Variants in PDZRN4 observed in about 807,000 individuals in gnomAD.
PDZRN4 encodes the protein PDZ domain-containing RING finger protein 4.
PDZRN4 carries 70 observed loss-of-function variants against 99.0 expected under a neutral mutation model. That is an observed-to-expected ratio of 0.71 (90% confidence interval 0.58 to 0.86). The LOEUF (loss-of-function observed/expected upper bound fraction) is 0.86. Ranked by LOEUF, PDZRN4 falls within the 40% of genes least tolerant of loss-of-function variation. The pLI is 0.00. For synonymous variants in PDZRN4, 551 were observed against 501.6 expected, an observed-to-expected ratio of 1.10 and a Z score of -1.32; for missense variants, 1,474 against 1,331.2, an observed-to-expected ratio of 1.11 and a Z score of -1.67.
chr12:41,323,517 A>G (rs1264844034), intron 3 of PDZRN4, among the ~76,000 whole-genome samples: 1 of 152,102 alleles, frequency 6.6e-6, no homozygotes, highest in African/African-American at 2.4e-5. Context: ...TTTTTGCCAG[A>G]TGAAGAGATT....
intron 3 of PDZRN4, among the ~76,000 whole-genome samples, chr12:41,254,955 A>C (rs1951194209): frequency 6.6e-6 from 1 of 152,160 alleles, no homozygotes; most frequent in East Asian, 1.9e-4. Flanking sequence ...TTAGCCAGGC[A>C]TGCTGGTGCA....
At chr12:41,347,558 T>A (rs1361691071) in intron 3 of PDZRN4, among the ~76,000 whole-genome samples, 2 of 152,176 alleles carry the variant, frequency 1.3e-5, no homozygotes, top group Non-Finnish European at 2.9e-5. Flanking sequence ...CCTTATCAGA[T>A]GTGTGCTTTG....
chr12:41,448,605 G>C (rs1952749262), intron 3 of PDZRN4, among the ~76,000 whole-genome samples: 1 of 152,124 alleles, frequency 6.6e-6, no homozygotes, highest in Admixed American at 6.6e-5. Flanking sequence ...AATAGGAGTG[G>C]GGACATAGTG....
chr12:41,356,054 T>G (rs1287521356), intron 3 of PDZRN4, among the ~76,000 whole-genome samples: 1 of 152,064 alleles, frequency 6.6e-6, no homozygotes, highest in Non-Finnish European at 1.5e-5. Context: ...CTAAAAAATT[T>G]ACTCTCTTTG....
intron 3 of PDZRN4, among the ~76,000 whole-genome samples, chr12:41,377,395 C>T (rs192549042): frequency 2.0e-4 from 31 of 152,178 alleles, no homozygotes; most frequent in Admixed American, 4.6e-4. Context: ...TTGTCTTCAA[C>T]GTCTTTCTTA....
intron 5 of PDZRN4, among the ~76,000 whole-genome samples, chr12:41,540,502 T>C (rs958165799): frequency 5.3e-5 from 8 of 152,182 alleles, no homozygotes; most frequent in Admixed American, 2.6e-4. Flanking sequence ...ACCTTTGTCA[T>C]TTCTATGTAA....
intron 5 of PDZRN4, among the ~76,000 whole-genome samples, chr12:41,529,006 C>T (rs985848219): frequency 1.3e-5 from 2 of 152,116 alleles, no homozygotes; most frequent in African/African-American, 4.8e-5. Context: ...TTATAGTACT[C>T]AAATTGGCTT....
chr12:41,405,914 A>G (rs1214010560), intron 3 of PDZRN4, among the ~76,000 whole-genome samples: 1 of 152,020 alleles, frequency 6.6e-6, no homozygotes, highest in African/African-American at 2.4e-5. Context: ...ATGTGAACAT[A>G]AATGTTGGAA....
chr12:41,218,307 C>A (rs1460770963), intron 3 of PDZRN4, among the ~76,000 whole-genome samples: 1 of 152,000 alleles, frequency 6.6e-6, no homozygotes, highest in African/African-American at 2.4e-5. Flanking sequence ...ATAAAGAAGA[C>A]AGGGCACATG....
Position 41,573,261 on chromosome 12 carries a change from C to G in PDZRN4, c.2482C>G (p.Pro828Ala). Residue 828 changes from proline (P) to alanine (A), a missense_variant, in exon 10 of 10, where the codon CCT (proline) becomes GCT (alanine). By Grantham distance (27) the Pro-to-Ala change is conservative. Coordinates refer to ENST00000402685, the MANE Select transcript of PDZRN4 (RefSeq NM_001164595.2). ...DQEKAVSEHI[P>A]YLSPYHSSSY... Reference sequence around the variant, plus strand: ...AGAGAAGGCAGTCAGCGAACACATCCCTTACCTCTCTCCTTACCACAGCTC... The same window carrying G: ...AGAGAAGGCAGTCAGCGAACACATCGCTTACCTCTCTCCTTACCACAGCTC... 1 of 1,613,910 alleles carries G rather than the reference C, an allele frequency of 6.2e-7. No homozygotes were observed. Among genetic ancestry groups the G allele is most frequent in the Non-Finnish European group, 8.5e-7 (1 of 1,180,016 alleles).
intron 3 of PDZRN4, among the ~76,000 whole-genome samples, chr12:41,288,751 T>C (rs546053307): frequency 2.6e-5 from 4 of 152,302 alleles, no homozygotes; most frequent in Admixed American, 2.6e-4. Flanking sequence ...CCTCATTTAT[T>C]TCAAATGGTA....
chr12:41,573,493 C>A lies in PDZRN4; in HGVS notation c.2714C>A (p.Pro905His), dbSNP rs1160428623. The change falls in exon 10 of 10, where the codon CCC becomes CAC. Residue 905 changes from proline to histidine, a missense_variant. Pro to His is a moderately conservative substitution (Grantham distance 77). Coordinates refer to ENST00000402685, the MANE Select transcript of PDZRN4 (RefSeq NM_001164595.2). ...GGGACACGGTACATCACAAAGAGAC[C>A]CGTGCGAGACCGAATCCTGAAGGAA... ...SDGTRYITKR[P>H]VRDRILKERA... 1 of 1,613,768 alleles carries A rather than the reference C, an allele frequency of 6.2e-7. No individual in the cohort carries two copies. Among genetic ancestry groups the A allele is most frequent in the East Asian group, 2.2e-5 (1 of 44,850 alleles).
At chr12:41,234,649 A>G (rs1951053336) in intron 3 of PDZRN4, among the ~76,000 whole-genome samples, 1 of 152,096 alleles carries the variant, frequency 6.6e-6, no homozygotes, top group South Asian at 2.1e-4. Flanking sequence ...TTAGTCATGT[A>G]TGGGATGGAA....
intron 3 of PDZRN4, among the ~76,000 whole-genome samples, chr12:41,466,352 A>T (rs898055353): frequency 6.6e-6 from 1 of 152,148 alleles, no homozygotes; most frequent in South Asian, 2.1e-4. Flanking sequence ...TCCAACACAA[A>T]TCCCCTGACA....
chr12:41,210,680 G>A (rs530668580), intron 3 of PDZRN4, among the ~76,000 whole-genome samples: 70 of 152,030 alleles, frequency 4.6e-4, no homozygotes, highest in African/African-American at 1.6e-3. Context: ...TCTTTTGGAG[G>A]AGAAATCTTG....
At chr12:41,322,640 A>G (rs564223852) in intron 3 of PDZRN4, among the ~76,000 whole-genome samples, 6 of 150,818 alleles carry the variant, frequency 4.0e-5, no homozygotes, top group African/African-American at 1.2e-4. Context: ...ACAGGTGCCC[A>G]CCACCACGCC....
At chr12:41,515,658 A>G (rs1444322467) in intron 5 of PDZRN4, among the ~76,000 whole-genome samples, 4 of 152,052 alleles carry the variant, frequency 2.6e-5, no homozygotes, top group African/African-American at 7.2e-5. Flanking sequence ...ATAAGTGATC[A>G]TATATCGGAG....
At chr12:41,239,770 A>G (rs1015118462) in intron 3 of PDZRN4, among the ~76,000 whole-genome samples, 1 of 152,230 alleles carries the variant, frequency 6.6e-6, no homozygotes, top group Non-Finnish European at 1.5e-5. Context: ...TGGGAAGCAT[A>G]TATACCGGAG....
intron 3 of PDZRN4, among the ~76,000 whole-genome samples, chr12:41,438,917 C>T (rs1264055498): frequency 6.6e-6 from 1 of 152,146 alleles, no homozygotes; most frequent in East Asian, 1.9e-4. Flanking sequence ...TGTTCTTAGA[C>T]AAGATTGCTG....
Sources: allele counts gnomAD v4.1 joint callset (sites outside exome capture counted in the v4.1 genomes callset), GRCh38; gene constraint gnomAD v4.1.1; transcripts MANE v1.5; gene names NCBI Gene and HGNC (gene_info 2026-07-23, HGNC 2026-07-21).